Variants in CCDC3 observed in about 807,000 individuals in gnomAD.
CCDC3 encodes the protein coiled-coil domain containing 3.
In CCDC3, 24 loss-of-function variants were observed where a neutral mutation model predicts 21.4. The observed-to-expected ratio is 1.12, with a 90% confidence interval of 0.81 to 1.58. The LOEUF (loss-of-function observed/expected upper bound fraction) is 1.58. Among genes scored for constraint, CCDC3 ranks in the 40% most tolerant of loss-of-function variants. CCDC3 has a pLI of 0.00. For synonymous variants in CCDC3, 186 were observed against 166.0 expected, an observed-to-expected ratio of 1.12 and a Z score of -0.93; for missense variants, 425 against 360.9, an observed-to-expected ratio of 1.18 and a Z score of -1.44.
At chr10:13,009,530 C>T (rs1464773139) in intron 5 of CCDC3, among the ~76,000 whole-genome samples, 1 of 152,100 alleles carries the variant, frequency 6.6e-6, no homozygotes, top group Non-Finnish European at 1.5e-5. Context: ...TACTATAAAG[C>T]TATAGTAAGC....
intron 2 of CCDC3, among the ~76,000 whole-genome samples, chr10:12,927,667 G>T (rs538064550): frequency 1.1e-4 from 16 of 152,202 alleles, no homozygotes; most frequent in African/African-American, 3.9e-4. Context: ...TAATGTAGAC[G>T]CTTAGGAGTG....
chr10:12,940,190 A>C (rs930482629), intron 2 of CCDC3, among the ~76,000 whole-genome samples: 5 of 152,144 alleles, frequency 3.3e-5, no homozygotes, highest in African/African-American at 1.2e-4. Flanking sequence ...ACAACCCAAA[A>C]AGAAAAAGAA....
intron 3 of CCDC3, among the ~76,000 whole-genome samples, chr10:13,087,124 G>C (rs1443027381): frequency 6.6e-6 from 1 of 152,216 alleles, no homozygotes; most frequent in Non-Finnish European, 1.5e-5. Flanking sequence ...TAGGAACAAG[G>C]CCGGGCATGG....
chr10:13,063,830 T>G (rs1244853007), intron 4 of CCDC3, among the ~76,000 whole-genome samples: 1 of 152,362 alleles, frequency 6.6e-6, no homozygotes, highest in East Asian at 1.9e-4. Flanking sequence ...GTTCTAGCTC[T>G]CTGCGATCCT....
At chr10:12,969,438 TG>T (rs1396588771) in intron 2 of CCDC3, among the ~76,000 whole-genome samples, 1 of 151,974 alleles carries the variant, frequency 6.6e-6, no homozygotes, top group African/African-American at 2.4e-5. Flanking sequence ...TGTTCAATTA[TG>T]GTAAATATAT....
chr10:12,948,784 C>G (rs949444938), intron 2 of CCDC3, among the ~76,000 whole-genome samples: 11 of 120,424 alleles, frequency 9.1e-5, no homozygotes, highest in East Asian at 5.8e-4. Context: ...CCAGGCTGGA[C>G]TGCAGTGGCC....
At chr10:13,085,162 A>T (rs1469508710) in intron 3 of CCDC3, among the ~76,000 whole-genome samples, 1 of 152,172 alleles carries the variant, frequency 6.6e-6, no homozygotes, top group East Asian at 1.9e-4. Context: ...CAGCAACCTG[A>T]GATCAAGGCA....
chr10:12,908,614 T>TTTC (rs1408748746), intron 2 of CCDC3, among the ~76,000 whole-genome samples: 2 of 147,392 alleles, frequency 1.4e-5, no homozygotes, highest in East Asian at 2.0e-4. Context: ...TGATTTTTCT[T>TTTC]TTTTTTTTTT....
chr10:12,936,961 T>C (rs1193403366), intron 2 of CCDC3, among the ~76,000 whole-genome samples: 1 of 152,190 alleles, frequency 6.6e-6, no homozygotes. Flanking sequence ...GGCTAAGGCA[T>C]ATGTCAAAAT....
At chr10:12,901,626 G>A (rs1287320450) in intron 2 of CCDC3, among the ~76,000 whole-genome samples, 1 of 152,200 alleles carries the variant, frequency 6.6e-6, no homozygotes, top group African/African-American at 2.4e-5. Flanking sequence ...GCCACTCTCA[G>A]TGGGATGATC....
chr10:12,999,368 C>T (rs992172500), intron 1 of CCDC3, among the ~76,000 whole-genome samples: 5 of 152,204 alleles, frequency 3.3e-5, no homozygotes, highest in African/African-American at 1.2e-4. Context: ...TTAGTGAACA[C>T]ATTTAAAGGC....
intron 2 of CCDC3, among the ~76,000 whole-genome samples, chr10:12,924,230 A>T (rs1346342942): frequency 1.3e-5 from 2 of 152,220 alleles, no homozygotes; most frequent in East Asian, 3.9e-4. Context: ...TCTCTAAACC[A>T]CTGAGACCTC....
chr10:13,071,772 A>G (rs1836885074), intron 4 of CCDC3, among the ~76,000 whole-genome samples: 2 of 152,134 alleles, frequency 1.3e-5, no homozygotes, highest in Admixed American at 1.3e-4. Flanking sequence ...TTCTTTCTGG[A>G]TGGGTAGCCA....
intron 4 of CCDC3, among the ~76,000 whole-genome samples, chr10:13,051,057 T>A (rs1466647019): frequency 6.6e-6 from 1 of 152,166 alleles, no homozygotes; most frequent in Non-Finnish European, 1.5e-5. Context: ...ACTCAAAGTG[T>A]TGGGATCATA....
At position 12,944,674 on chromosome 10, in the gene CCDC3, G is replaced by A. The variant is rs529799065; in HGVS notation, c.550-45995C>T. 8.5e-5 allele frequency among the ~76,000 whole-genome samples: 13 copies of A among 152,262 alleles called. No individual in the cohort carries two copies. The South Asian group carries it at 2.7e-3, about 32-fold the overall frequency. Reference sequence around the variant, plus strand: ...TAAACCTATAAATTGATTGAAACCTGTCTCAGACACTTTCCAGTTTAGAAA... The same window carrying A: ...TAAACCTATAAATTGATTGAAACCTATCTCAGACACTTTCCAGTTTAGAAA... On this transcript the variant is annotated intron_variant, in intron 2 of 2. Transcript: ENST00000378825.
intron 2 of CCDC3, among the ~76,000 whole-genome samples, chr10:12,980,413 G>A (rs145334208): frequency 6.6e-6 from 1 of 152,266 alleles, no homozygotes; most frequent in Non-Finnish European, 1.5e-5. Flanking sequence ...TCTAACCACA[G>A]CCATCAGTCC....
At chr10:13,072,715 C>G (rs915039620) in intron 4 of CCDC3, among the ~76,000 whole-genome samples, 3 of 152,050 alleles carry the variant, frequency 2.0e-5, no homozygotes, top group South Asian at 2.1e-4. Flanking sequence ...AAATGCTGCT[C>G]TGCACACCCT....
At chr10:12,958,778 C>T (rs1286624380) in intron 2 of CCDC3, among the ~76,000 whole-genome samples, 1 of 152,174 alleles carries the variant, frequency 6.6e-6, no homozygotes, top group Non-Finnish European at 1.5e-5. Context: ...TCATCCTCGG[C>T]AGGTTCATCC....
chr10:12,913,788 A>G (rs2131206958), intron 2 of CCDC3, among the ~76,000 whole-genome samples: 1 of 152,336 alleles, frequency 6.6e-6, no homozygotes, highest in East Asian at 1.9e-4. Context: ...TTTTTTTATC[A>G]TTAAAGGAAG....
Sources: allele counts gnomAD v4.1 joint callset (sites outside exome capture counted in the v4.1 genomes callset), GRCh38; gene constraint gnomAD v4.1.1; transcripts MANE v1.5; gene names NCBI Gene and HGNC (gene_info 2026-07-23, HGNC 2026-07-21).